The following CDH8 variants were observed in gnomAD, a reference collection of about 807,000 sequenced individuals.
CDH8 encodes cadherin-8.
In CDH8, 17 loss-of-function variants were observed where a neutral mutation model predicts 68.1. The observed-to-expected ratio is 0.25, with a 90% CI of 0.17 to 0.37. CDH8 has a LOEUF of 0.37. Among genes scored for constraint, CDH8 ranks in the 10% least tolerant of loss-of-function variants. CDH8 has a pLI of 1.00. For missense variants in CDH8, 763 were observed against 999.3 expected (o/e 0.76, Z 3.19); for synonymous variants, 372 against 365.1 (o/e 1.02, Z -0.21).
chr16:61,782,591 C>G (rs1393329687), intron 8 of CDH8, among the ~76,000 whole-genome samples: 1 of 151,696 alleles, frequency 6.6e-6, no homozygotes, highest in African/African-American at 2.4e-5. Flanking sequence ...CCCACCACAG[C>G]TCAAGGAGGC....
chr16:61,700,694 A>G (rs1567430068), intron 10 of CDH8, among the ~76,000 whole-genome samples: 1 of 152,196 alleles, frequency 6.6e-6, no homozygotes, highest in Non-Finnish European at 1.5e-5. Flanking sequence ...AAAAATGTTG[A>G]TCTCTTGGAA....
chr16:61,991,371 G>A (rs988087706), intron 2 of CDH8, among the ~76,000 whole-genome samples: 9 of 152,118 alleles, frequency 5.9e-5, no homozygotes, highest in Admixed American at 5.2e-4. Context: ...GAAACCAAAG[G>A]CATCAGGAAT....
chr16:61,881,041 C>T (rs1963565727), intron 3 of CDH8, among the ~76,000 whole-genome samples: 1 of 152,060 alleles, frequency 6.6e-6, no homozygotes, highest in Admixed American at 6.5e-5. Context: ...GCCAGGAGAC[C>T]TTAAAACTGG....
intron 2 of CDH8, among the ~76,000 whole-genome samples, chr16:62,012,511 C>A (rs1026459214): frequency 1.3e-5 from 2 of 152,222 alleles, no homozygotes; most frequent in South Asian, 2.1e-4. Flanking sequence ...ATTCTATTTA[C>A]CAAATTTGTT....
intron 4 of CDH8, among the ~76,000 whole-genome samples, chr16:61,854,194 C>G (rs903940934): frequency 6.6e-6 from 1 of 151,642 alleles, no homozygotes; most frequent in Non-Finnish European, 1.5e-5. Context: ...CTTGCATTTT[C>G]CTGCCAAAGG....
intron 2 of CDH8, among the ~76,000 whole-genome samples, chr16:61,903,353 T>C (rs958038480): frequency 6.6e-6 from 1 of 152,234 alleles, no homozygotes; most frequent in Admixed American, 6.5e-5. Flanking sequence ...AGACGGAGTC[T>C]CGCTCTGTCG....
At chr16:61,971,594 T>C (rs910276060) in intron 2 of CDH8, among the ~76,000 whole-genome samples, 1 of 152,150 alleles carries the variant, frequency 6.6e-6, no homozygotes, top group South Asian at 2.1e-4. Flanking sequence ...CCAAATTCAG[T>C]TCTTTTGAAT....
chr16:61,958,084 T>C (rs939665192), intron 2 of CDH8, among the ~76,000 whole-genome samples: 1 of 152,128 alleles, frequency 6.6e-6, no homozygotes, highest in African/African-American at 2.4e-5. Flanking sequence ...GTTTTTGCCC[T>C]CAAAAAGCTA....
At chr16:61,666,867 G>T (rs1963690077) in intron 10 of CDH8, among the ~76,000 whole-genome samples, 1 of 151,878 alleles carries the variant, frequency 6.6e-6, no homozygotes, top group African/African-American at 2.4e-5. Context: ...GAAATTTTCA[G>T]CATATTAGAA....
chr16:61,782,332 G>A (rs1020005473), intron 8 of CDH8, among the ~76,000 whole-genome samples: 1 of 152,104 alleles, frequency 6.6e-6, no homozygotes, highest in Non-Finnish European at 1.5e-5. Flanking sequence ...GGTGACGGAC[G>A]CACCTGGAAA....
chr16:61,727,491 C>T (rs1296885582), intron 8 of CDH8, among the ~76,000 whole-genome samples: 3 of 151,002 alleles, frequency 2.0e-5, no homozygotes. Flanking sequence ...ATAAAGCAAG[C>T]TTTATTTTAT....
intron 4 of CDH8, among the ~76,000 whole-genome samples, chr16:61,825,553 T>C (rs1345712889): frequency 2.0e-5 from 3 of 151,624 alleles, no homozygotes; most frequent in Non-Finnish European, 2.9e-5. Flanking sequence ...AGATCTCAAT[T>C]CCCCCACAGG....
chr16:61,820,542 A>G (rs1264631827), intron 6 of CDH8, among the ~76,000 whole-genome samples: 3 of 151,904 alleles, frequency 2.0e-5, no homozygotes, highest in Non-Finnish European at 4.4e-5. Context: ...TATGACTCAG[A>G]ATAGTTTCTT....
chr16:61,810,123 G>A (rs1473835976), intron 7 of CDH8, among the ~76,000 whole-genome samples: 1 of 152,156 alleles, frequency 6.6e-6, no homozygotes, highest in Non-Finnish European at 1.5e-5. Flanking sequence ...GCTATTTAGA[G>A]CCACACATAA....
chr16:61,730,157 A>G (rs118022159), intron 8 of CDH8, among the ~76,000 whole-genome samples: 3,537 of 151,476 alleles, frequency 0.023, 69 homozygotes, highest in Non-Finnish European at 0.035. Context: ...TTATCTCTTC[A>G]ACCTAGATGA....
chr16:61,678,199 A>G (rs1422508108), intron 10 of CDH8, among the ~76,000 whole-genome samples: 1 of 152,058 alleles, frequency 6.6e-6, no homozygotes, highest in African/African-American at 2.4e-5. Context: ...TATATCTTAC[A>G]TGTGTTTGAT....
chr16:61,931,317 C>G (rs905846093), intron 2 of CDH8, among the ~76,000 whole-genome samples: 2 of 152,052 alleles, frequency 1.3e-5, no homozygotes, highest in East Asian at 3.9e-4. Flanking sequence ...GTGCACACAA[C>G]CATGCACAGC....
At chr16:61,934,379 C>T (rs907046577) in intron 2 of CDH8, among the ~76,000 whole-genome samples, 1 of 152,022 alleles carries the variant, frequency 6.6e-6, no homozygotes, top group East Asian at 1.9e-4. Flanking sequence ...TAATTCTATG[C>T]TAGTTAGTGT....
intron 2 of CDH8, among the ~76,000 whole-genome samples, chr16:62,005,121 T>C (rs966294396): frequency 6.6e-6 from 1 of 152,132 alleles, no homozygotes; most frequent in Non-Finnish European, 1.5e-5. Context: ...ATTTTCTTTG[T>C]AAATGTGACA....
Sources: gnomAD v4.1 joint callset for allele counts (sites outside exome capture counted in the v4.1 genomes callset) on GRCh38, gnomAD v4.1.1 for gene constraint, MANE v1.5 for transcripts, NCBI Gene and HGNC (gene_info 2026-07-23, HGNC 2026-07-21) for gene names.